The following HHAT variants were observed in gnomAD, a reference collection of about 807,000 sequenced individuals.
HHAT encodes hedgehog acyltransferase, also known as protein-cysteine N-palmitoyltransferase HHAT.
A neutral mutation model predicts 70.8 loss-of-function variants in HHAT; 47 were observed. The observed-to-expected ratio is 0.66, with a 90% CI of 0.53 to 0.85. The LOEUF is 0.85. Among genes scored for constraint, HHAT ranks in the 40% least tolerant of loss-of-function variants. The pLI is 0.00. For synonymous variants in HHAT, 228 were observed against 247.6 expected, an observed-to-expected ratio of 0.92 and a Z score of 0.74; for missense variants, 609 against 604.8, an observed-to-expected ratio of 1.01 and a Z score of -0.07.
In HHAT at chr1:210,365,318, T is replaced by TTTTG. The variant is rs1350739099; in HGVS notation, c.159+2402_159+2403insGTTT. Reference sequence around the variant, plus strand: ...CTCAGTACTGCTGACAGTTTTTTTTTTTTTTTTTTTTTTTTTGAGACGGAG... The same window carrying TTTTG: ...CTCAGTACTGCTGACAGTTTTTTTTTTTTGTTTTTTTTTTTTTTTTGAGACGGAG... On this transcript the variant is annotated intron_variant, in intron 3 of 11. Transcript: ENST00000261458. Among the ~76,000 whole-genome samples the TTTTG allele has an allele frequency of 4.6e-5, 6 of 131,236 alleles. 1 individual carries two copies. Among genetic ancestry groups the TTTTG allele is most frequent in the Non-Finnish European group, 9.7e-5 (6 of 62,102 alleles). 86.1% of individuals were successfully genotyped at this position (131,236 alleles called of 152,430 possible). A position where few individuals can be genotyped will look rare whatever the true frequency, so the allele number is the denominator to read the frequency against.
intron 11 of HHAT, among the ~76,000 whole-genome samples, chr1:210,635,856 C>A (rs76076339): frequency 6.6e-6 from 1 of 152,140 alleles, no homozygotes; most frequent in Non-Finnish European, 1.5e-5. Flanking sequence ...GGACGCTTTG[C>A]GGAGATGAGC....
At chr1:210,491,070 T>A (rs1232469983) in intron 8 of HHAT, among the ~76,000 whole-genome samples, 91 of 150,038 alleles carry the variant, frequency 6.1e-4, no homozygotes, top group Middle Eastern at 3.4e-3. Flanking sequence ...ACATAGTGTG[T>A]GTGTGTGTGT....
intron 8 of HHAT, among the ~76,000 whole-genome samples, chr1:210,484,704 C>T (rs1039113467): frequency 6.6e-6 from 1 of 152,126 alleles, no homozygotes; most frequent in African/African-American, 2.4e-5. Flanking sequence ...AAAACATGAG[C>T]TCCTTCCCCC....
chr1:210,644,935 A>G (rs978857425), intron 11 of HHAT, among the ~76,000 whole-genome samples: 14 of 152,136 alleles, frequency 9.2e-5, no homozygotes, highest in Non-Finnish European at 1.9e-4. Context: ...ACTTCCACTT[A>G]CTGCGCATGG....
intron 10 of HHAT, among the ~76,000 whole-genome samples, chr1:210,594,105 T>A (rs1662375128): frequency 6.6e-6 from 1 of 152,206 alleles, no homozygotes; most frequent in Non-Finnish European, 1.5e-5. Context: ...TGGGGTCCTG[T>A]TTTTTAATCT....
chr1:210,628,467 TACAC>T (rs1330417700), intron 11 of HHAT, among the ~76,000 whole-genome samples: 1 of 152,036 alleles, frequency 6.6e-6, no homozygotes, highest in African/African-American at 2.4e-5. Context: ...GATGCCTCAT[TACAC>T]ACACACACCT....
chr1:210,381,521 T>C (rs1381735476), intron 3 of HHAT, among the ~76,000 whole-genome samples: 1 of 152,170 alleles, frequency 6.6e-6, no homozygotes, highest in Non-Finnish European at 1.5e-5. Context: ...CCTCAAGCTA[T>C]CCACCCACCT....
intron 8 of HHAT, among the ~76,000 whole-genome samples, chr1:210,493,054 A>G (rs183974647): frequency 1.2e-3 from 189 of 152,134 alleles, no homozygotes; most frequent in Admixed American, 5.7e-3. Context: ...TGAAAGGATC[A>G]AGTACTTTGA....
At chr1:210,552,462 G>T (rs770908035) in intron 9 of HHAT, among the ~76,000 whole-genome samples, 3 of 152,210 alleles carry the variant, frequency 2.0e-5, no homozygotes, top group Non-Finnish European at 2.9e-5. Flanking sequence ...TTGTGAACAG[G>T]TAGTTCACTG....
intron 8 of HHAT, among the ~76,000 whole-genome samples, chr1:210,485,998 G>A (rs2094467629): frequency 6.6e-6 from 1 of 152,206 alleles, no homozygotes; most frequent in African/African-American, 2.4e-5. Flanking sequence ...ATTAGGATCT[G>A]TAAGATCGTC....
intron 11 of HHAT, among the ~76,000 whole-genome samples, chr1:210,628,379 A>T (rs1395826310): frequency 6.6e-6 from 1 of 152,194 alleles, no homozygotes; most frequent in African/African-American, 2.4e-5. Flanking sequence ...GGCCTGGATC[A>T]CTGGGGTGAT....
rs116554892 is a variant in HHAT at position 210,352,206 on chromosome 1, G to A, written c.91+3140G>A. 8.0e-3 allele frequency among the ~76,000 whole-genome samples: 1,222 copies of A among 152,248 alleles called. 10 individuals are homozygous for A. Among genetic ancestry groups the A allele is most frequent in the Non-Finnish European group, 0.011 (729 of 68,026 alleles). On this transcript the variant is annotated intron_variant, in intron 2 of 11. Transcript: ENST00000261458. Reference sequence around the variant, plus strand: ...TAACCTGTCCAGATGCTGTCATGCTGACCACCTCCTAGCCTGAAGCTTCTT... The same window carrying A: ...TAACCTGTCCAGATGCTGTCATGCTAACCACCTCCTAGCCTGAAGCTTCTT...
At chr1:210,372,154 G>A (rs1182249268) in intron 3 of HHAT, among the ~76,000 whole-genome samples, 1 of 152,198 alleles carries the variant, frequency 6.6e-6, no homozygotes, top group East Asian at 1.9e-4. Context: ...CAGGACAATT[G>A]GCCCTGCTCG....
intron 6 of HHAT, among the ~76,000 whole-genome samples, chr1:210,413,518 T>C (rs933470862): frequency 1.3e-5 from 2 of 152,234 alleles, no homozygotes; most frequent in African/African-American, 2.4e-5. Flanking sequence ...CTCTGCTGTT[T>C]TACTATAAAC....
At chr1:210,557,491 A>C (rs892350383) in intron 9 of HHAT, among the ~76,000 whole-genome samples, 4 of 152,148 alleles carry the variant, frequency 2.6e-5, no homozygotes, top group African/African-American at 9.7e-5. Context: ...CTTTTTGGCT[A>C]CTGTATTAGT....
chr1:210,674,065 C>T (rs896483260), intron 11 of HHAT, among the ~76,000 whole-genome samples: 3 of 151,858 alleles, frequency 2.0e-5, no homozygotes, highest in Non-Finnish European at 2.9e-5. Context: ...CCCACTAACT[C>T]GTCATAAACA....
intron 10 of HHAT, among the ~76,000 whole-genome samples, chr1:210,607,649 C>G (rs1332389923): frequency 6.6e-6 from 1 of 152,150 alleles, no homozygotes; most frequent in East Asian, 1.9e-4. Flanking sequence ...ATCTTCCCAC[C>G]CATGTGCCTT....
chr1:210,660,235 A>G (rs946516026), intron 11 of HHAT, among the ~76,000 whole-genome samples: 6 of 152,212 alleles, frequency 3.9e-5, no homozygotes, highest in Admixed American at 3.3e-4. Flanking sequence ...TACAAAATCA[A>G]TGTGCAAAAA....
chr1:210,587,031 C>T (rs1032797146), intron 9 of HHAT, among the ~76,000 whole-genome samples: 13 of 152,158 alleles, frequency 8.5e-5, no homozygotes, highest in African/African-American at 2.4e-4. Context: ...GCTGGGGAAC[C>T]GTCTCTGGCA....
Sources: allele counts gnomAD v4.1 joint callset (sites outside exome capture counted in the v4.1 genomes callset), GRCh38; gene constraint gnomAD v4.1.1; transcripts MANE v1.5; gene names NCBI Gene and HGNC (gene_info 2026-07-23, HGNC 2026-07-21).